RARB: variants seen among roughly 807,000 people sequenced by gnomAD.
RARB encodes HBV-activated protein.
Under a neutral mutation model 51.9 loss-of-function variants are expected in RARB, and 17 were observed. The ratio of observed to expected loss-of-function variants is 0.33; its 90% confidence interval spans 0.22 to 0.49. The LOEUF is 0.49. Among genes scored for constraint, RARB ranks in the 20% least tolerant of loss-of-function variants. The pLI is 0.99. For missense variants in RARB, 369 were observed against 550.8 expected (o/e 0.67, Z 3.30); for synonymous variants, 215 against 195.4 (o/e 1.10, Z -0.84).
intron 2 of RARB, among the ~76,000 whole-genome samples, chr3:25,005,974 T>G (rs192194333): frequency 9.6e-4 from 146 of 152,248 alleles, no homozygotes; most frequent in Non-Finnish European, 1.9e-3. Flanking sequence ...TTATACTGGT[T>G]TGCTTATTGT....
intron 1 of RARB, among the ~76,000 whole-genome samples, chr3:24,851,351 T>A (rs1343897961): frequency 6.6e-6 from 1 of 151,396 alleles, no homozygotes; most frequent in African/African-American, 2.4e-5. Context: ...GGCTTGATTC[T>A]GGGGAAGTCA....
At chr3:25,127,081 C>G (rs1394110533) in intron 3 of RARB, among the ~76,000 whole-genome samples, 1 of 152,152 alleles carries the variant, frequency 6.6e-6, no homozygotes, top group African/African-American at 2.4e-5. Flanking sequence ...CATCAGTAGA[C>G]TCCCCTAACT....
In RARB at chr3:25,456,554, ATTTTTTTTT is replaced by A. The variant is rs35056259; in HGVS notation, c.158-4622_158-4614del. 3.4e-3 allele frequency among the ~76,000 whole-genome samples: 148 copies of A among 44,128 alleles called. 1 individual carries two copies. The East Asian group carries it at 0.058, about 17-fold the overall frequency. 28.9% of individuals were successfully genotyped at this position (44,128 alleles called of 152,430 possible). ...GGTGATCTGACAGACTATACCACTG[ATTTTTTTTT>A]TTTTTTTTTTTTTTTTGCCTTGCAT... On this transcript the variant is annotated intron_variant, in intron 1 of 7. Coordinates refer to ENST00000330688, the MANE Select transcript of RARB (RefSeq NM_000965.5).
At chr3:24,893,685 T>G (rs1176909436) in intron 2 of RARB, among the ~76,000 whole-genome samples, 1 of 81,592 alleles carries the variant, frequency 1.2e-5, no homozygotes. Flanking sequence ...GCCTCACTGA[T>G]TTTTTTTTTT....
At chr3:25,097,169 A>C (rs1034731091) in intron 3 of RARB, among the ~76,000 whole-genome samples, 24 of 152,324 alleles carry the variant, frequency 1.6e-4, no homozygotes, top group African/African-American at 5.5e-4. Flanking sequence ...TTGTGCCATG[A>C]ATGAAAGAAC....
intron 3 of RARB, among the ~76,000 whole-genome samples, chr3:25,568,916 G>A (rs983160251): frequency 2.0e-5 from 3 of 152,358 alleles, no homozygotes; most frequent in Middle Eastern, 3.4e-3. Context: ...AGTTACACTC[G>A]GATTTGAAGT....
chr3:25,166,146 G>C (rs1054824473), intron 4 of RARB, among the ~76,000 whole-genome samples: 1 of 151,876 alleles, frequency 6.6e-6, no homozygotes, highest in African/African-American at 2.4e-5. Context: ...TTAAAAGGAG[G>C]TAAGAAATGC....
chr3:25,506,587 G>C (rs899576754), intron 3 of RARB, among the ~76,000 whole-genome samples: 2 of 152,216 alleles, frequency 1.3e-5, no homozygotes, highest in African/African-American at 4.8e-5. Flanking sequence ...CTTCACTCCA[G>C]CCTGGGCAAC....
intron 3 of RARB, among the ~76,000 whole-genome samples, chr3:25,556,695 G>C (rs1700073065): frequency 6.6e-6 from 1 of 152,174 alleles, no homozygotes; most frequent in Non-Finnish European, 1.5e-5. Flanking sequence ...TGGGGCTGCT[G>C]TAAGAATTAA....
At chr3:25,153,858 G>A (rs143227977) in intron 4 of RARB, among the ~76,000 whole-genome samples, 2 of 152,198 alleles carry the variant, frequency 1.3e-5, no homozygotes, top group African/African-American at 2.4e-5. Context: ...ATTGTACTTA[G>A]CACAATATTC....
At chr3:24,896,595 A>G (rs1399165218) in intron 2 of RARB, among the ~76,000 whole-genome samples, 2 of 152,194 alleles carry the variant, frequency 1.3e-5, no homozygotes, top group Admixed American at 1.3e-4. Flanking sequence ...TAAGTTCAGG[A>G]CATGGACAGT....
At chr3:25,354,311 C>T (rs1002982286) in intron 5 of RARB, among the ~76,000 whole-genome samples, 7 of 151,978 alleles carry the variant, frequency 4.6e-5, no homozygotes, top group African/African-American at 1.2e-4. Flanking sequence ...CAGGAAAATC[C>T]TTGAGGAGAC....
intron 4 of RARB, among the ~76,000 whole-genome samples, chr3:25,173,118 C>T (rs1314704547): frequency 6.6e-6 from 1 of 152,174 alleles, no homozygotes; most frequent in African/African-American, 2.4e-5. Context: ...TATTGGTTAT[C>T]AGGGCCAAGG....
chr3:25,272,268 T>C (rs923538167), intron 5 of RARB, among the ~76,000 whole-genome samples: 2 of 152,234 alleles, frequency 1.3e-5, no homozygotes, highest in African/African-American at 2.4e-5. Flanking sequence ...GAAGCCACTT[T>C]TACACCAACA....
chr3:25,357,976 G>T (rs1705803360), intron 5 of RARB, among the ~76,000 whole-genome samples: 1 of 152,184 alleles, frequency 6.6e-6, no homozygotes, highest in African/African-American at 2.4e-5. Flanking sequence ...GCTTAGGATT[G>T]TCTTGGCTAT....
Position 25,597,327 on chromosome 3 carries a change from T to TAATC in RARB, c.*714_*717dup, listed in dbSNP as rs779025563. ...GTATCAGTGTAACTGCCAGTTCAGT[T>TAATC]AATCAAATGTCATTTGTTCAATTGT... On this transcript the variant is annotated 3_prime_UTR_variant, in exon 8 of 8. Transcript: ENST00000330688. 3.9e-5 allele frequency: 6 copies of TAATC among 152,716 alleles called. No homozygotes were observed. The East Asian group carries it at 7.7e-4, about 20-fold the overall frequency. 9.5% of individuals were successfully genotyped at this position (152,716 alleles called of 1,614,324 possible).
intron 4 of RARB, among the ~76,000 whole-genome samples, chr3:25,173,627 AT>A (rs1298115499): frequency 6.6e-6 from 1 of 152,206 alleles, no homozygotes; most frequent in African/African-American, 2.4e-5. Flanking sequence ...ATCAGTTAGA[AT>A]AGCATTAAAT....
At chr3:25,340,960 C>T (rs1197989013) in intron 5 of RARB, among the ~76,000 whole-genome samples, 7 of 152,156 alleles carry the variant, frequency 4.6e-5, no homozygotes, top group East Asian at 1.9e-4. Context: ...TCAATCAAAT[C>T]TTCTGCAGAT....
intron 2 of RARB, among the ~76,000 whole-genome samples, chr3:24,886,908 G>T (rs114646344): frequency 0.031 from 4,699 of 152,280 alleles, 103 homozygotes; most frequent in Middle Eastern, 0.065. Flanking sequence ...TCTACAAAAC[G>T]TTTTGAATTG....
Sources: gnomAD v4.1 joint callset for allele counts (sites outside exome capture counted in the v4.1 genomes callset) on GRCh38, gnomAD v4.1.1 for gene constraint, MANE v1.5 for transcripts, NCBI Gene and HGNC (gene_info 2026-07-23, HGNC 2026-07-21) for gene names.